Variants in UPRT observed in about 807,000 individuals in gnomAD.
The protein encoded by UPRT is RP11-311P8.3.
UPRT carries 5 observed loss-of-function variants against 22.6 expected under a neutral mutation model. That is an observed-to-expected ratio of 0.22 (90% CI 0.12 to 0.47). The LOEUF is 0.47. UPRT is among the 20% of genes least tolerant of loss of function. The probability of loss-of-function intolerance (pLI) is 0.99; values close to 1 mark genes in which losing one functional copy is unlikely to be tolerated. For synonymous variants in UPRT, 77 were observed against 87.7 expected (o/e 0.88, Z 0.68); for missense variants, 181 against 239.9 (o/e 0.75, Z 1.62).
intron 4 of UPRT, among the ~76,000 whole-genome samples, chrX:75,212,689 A>G (rs2082383108): frequency 8.9e-6 from 1 of 111,967 alleles, no homozygotes; most frequent in Non-Finnish European, 1.9e-5. Context: ...TAACACAGGA[A>G]CAGAAAACCA....
At chrX:75,291,376 T>C in intron 1 of UPRT, 1 of 321,796 alleles carries the variant, frequency 3.1e-6, no homozygotes. Context: ...AGAAGATAAT[T>C]AATGTGTCTT....
chrX:75,200,119 AACTT>A (rs1358940199), intron 4 of UPRT, among the ~76,000 whole-genome samples: 1 of 112,020 alleles, frequency 8.9e-6, no homozygotes, highest in East Asian at 2.8e-4. Flanking sequence ...CAGCAACACT[AACTT>A]TCCTATTGCG....
chrX:75,277,782 G>A (rs2082637468), intron 1 of UPRT, among the ~76,000 whole-genome samples: 1 of 111,593 alleles, frequency 9.0e-6, no homozygotes, highest in Non-Finnish European at 1.9e-5. Context: ...ATCTTGTTTT[G>A]ATATAGTATG....
chrX:75,286,310 G>C (rs1296957812), intron 1 of UPRT, among the ~76,000 whole-genome samples: 5 of 87,607 alleles, frequency 5.7e-5, no homozygotes, highest in Admixed American at 4.1e-4. Flanking sequence ...TTTACTTGGG[G>C]GGGGGGTGGG....
rs766457531 is a variant in UPRT at position 75,255,916 on chromosome X, G to A, written c.-446-35108G>A. ...TTAGACAGCAAACACAATAATAGTGGGGGACTTCAATACTCCACTGACAGC... is the reference window on the plus strand; with the variant it reads ...TTAGACAGCAAACACAATAATAGTGAGGGACTTCAATACTCCACTGACAGC... On this transcript the variant is annotated intron_variant, in intron 4 of 13. Transcript: ENST00000652605. 4.5e-5 allele frequency among the ~76,000 whole-genome samples: 5 copies of A among 111,352 alleles called. No homozygotes were observed. The South Asian group carries it at 1.9e-3, about 42-fold the overall frequency.
chrX:75,183,633 C>T (rs893817464), intron 4 of UPRT, among the ~76,000 whole-genome samples: 5 of 111,829 alleles, frequency 4.5e-5, no homozygotes, highest in Admixed American at 3.8e-4. Flanking sequence ...CTTTACAGTC[C>T]CACCAACAGT....
intron 2 of UPRT, among the ~76,000 whole-genome samples, chrX:75,294,270 A>C (rs773358034): frequency 9.0e-6 from 1 of 111,229 alleles, no homozygotes; most frequent in African/African-American, 3.3e-5. Flanking sequence ...ATTTATATTC[A>C]GTGTATATTC....
At chrX:75,241,326 G>A (rs1036840303) in intron 4 of UPRT, among the ~76,000 whole-genome samples, 4 of 111,569 alleles carry the variant, frequency 3.6e-5, no homozygotes, top group African/African-American at 1.3e-4. Flanking sequence ...GAAAAAAAAT[G>A]CTCAACATCA....
chrX:75,260,692 A>G (rs1466908726), intron 4 of UPRT, among the ~76,000 whole-genome samples: 1 of 111,829 alleles, frequency 8.9e-6, no homozygotes, highest in Non-Finnish European at 1.9e-5. Flanking sequence ...TAGACAGATC[A>G]ATGAGATAGA....
chrX:75,176,935 G>A (rs759407040), intron 4 of UPRT, among the ~76,000 whole-genome samples: 1 of 111,469 alleles, frequency 9.0e-6, no homozygotes, highest in East Asian at 2.8e-4. Context: ...AAGCCGTAGT[G>A]CAGAAAAAAG....
At chrX:75,175,764 C>A (rs1346474565) in intron 4 of UPRT, among the ~76,000 whole-genome samples, 2 of 111,715 alleles carry the variant, frequency 1.8e-5, no homozygotes, top group Non-Finnish European at 3.8e-5. Context: ...ACACTGATAA[C>A]AAGCCCTACC....
At chrX:75,185,848 C>T (rs1229731765) in intron 4 of UPRT, among the ~76,000 whole-genome samples, 1 of 111,532 alleles carries the variant, frequency 9.0e-6, no homozygotes, top group Non-Finnish European at 1.9e-5. Context: ...GTTTGTATTT[C>T]TGTGGGATTG....
intron 4 of UPRT, among the ~76,000 whole-genome samples, chrX:75,264,784 T>C (rs2147672773): frequency 8.9e-6 from 1 of 112,009 alleles, no homozygotes; most frequent in Non-Finnish European, 1.9e-5. Flanking sequence ...CTTCCCAGCC[T>C]CGATGGTCTC....
At chrX:75,238,887 T>C (rs1006325643) in intron 4 of UPRT, among the ~76,000 whole-genome samples, 5 of 111,458 alleles carry the variant, frequency 4.5e-5, no homozygotes, top group Admixed American at 2.9e-4. Context: ...GAAATCAAGA[T>C]GGAAATTAAA....
chrX:75,274,679 C>A, intron 1 of UPRT, 39 bp downstream of exon 1: 1 of 1,148,560 alleles, frequency 8.7e-7, no homozygotes, highest in South Asian at 2.1e-5. Context: ...AGTGGAGGGT[C>A]TTGCAGGCTG....
At chrX:75,165,572 T>C (rs774868215) in intron 3 of UPRT, among the ~76,000 whole-genome samples, 3 of 111,551 alleles carry the variant, frequency 2.7e-5, no homozygotes, top group Admixed American at 1.9e-4. Context: ...CAAGAAAAGA[T>C]TGATAGGCAT....
intron 4 of UPRT, among the ~76,000 whole-genome samples, chrX:75,212,789 G>C (rs2082383361): frequency 9.0e-6 from 1 of 111,133 alleles, no homozygotes; most frequent in South Asian, 3.9e-4. Context: ...GGGCCTGTCA[G>C]GGGTGTGGGG....
At chrX:75,171,777 C>T (rs1355404815) in intron 4 of UPRT, among the ~76,000 whole-genome samples, 1 of 111,000 alleles carries the variant, frequency 9.0e-6, no homozygotes, top group African/African-American at 3.3e-5. Flanking sequence ...GGGGTGTTCT[C>T]TTGAGGTAGT....
At chrX:75,182,546 T>G (rs2082273871) in intron 4 of UPRT, among the ~76,000 whole-genome samples, 1 of 111,704 alleles carries the variant, frequency 9.0e-6, no homozygotes, top group African/African-American at 3.3e-5. Context: ...TCATTATTGG[T>G]CAGTTCAGGG....
Sources: gnomAD v4.1 joint callset for allele counts (sites outside exome capture counted in the v4.1 genomes callset) on GRCh38, gnomAD v4.1.1 for gene constraint, MANE v1.5 for transcripts, NCBI Gene and HGNC (gene_info 2026-07-23, HGNC 2026-07-21) for gene names.